TRAIP: variants seen among roughly 807,000 people sequenced by gnomAD.
TRAIP encodes TRAF interacting protein.
TRAIP carries 37 observed loss-of-function variants against 65.0 expected under a neutral mutation model. The observed-to-expected ratio is 0.57, with a 90% CI of 0.44 to 0.75. The LOEUF (loss-of-function observed/expected upper bound fraction) is 0.75. TRAIP is among the 30% of genes least tolerant of loss of function. The probability of loss-of-function intolerance (pLI) is 0.00; values close to 1 mark genes in which losing one functional copy is unlikely to be tolerated. For synonymous variants in TRAIP, 187 were observed against 219.1 expected (o/e 0.85, Z 1.29); for missense variants, 481 against 579.4 (o/e 0.83, Z 1.74).
chr3:49,832,700 C>CGGGGG (rs77955232), intron 10 of TRAIP, among the ~76,000 whole-genome samples: 122 of 6,062 alleles, frequency 0.02, 1 homozygote, highest in Non-Finnish European at 0.027. Flanking sequence ...TTTTATAACA[C>CGGGGG]GGGGGGGGGG....
intron 10 of TRAIP, among the ~76,000 whole-genome samples, chr3:49,834,451 CAA>C (rs1029761488): frequency 2.7e-4 from 41 of 152,298 alleles, no homozygotes; most frequent in African/African-American, 9.4e-4. Flanking sequence ...GAGGGCCTTG[CAA>C]AAGCATTAAA....
chr3:49,840,240 C>T (rs2081827466), intron 9 of TRAIP, 44 bp downstream of exon 9: 2 of 1,570,268 alleles, frequency 1.3e-6, no homozygotes, highest in Non-Finnish European at 8.8e-7. Context: ...TGGGAGGGCA[C>T]ACAAACCACC....
intron 1 of TRAIP, among the ~76,000 whole-genome samples, chr3:49,854,932 C>T (rs1254927558): frequency 6.6e-6 from 1 of 151,542 alleles, no homozygotes; most frequent in Non-Finnish European, 1.5e-5. Flanking sequence ...AGCATGGTGG[C>T]AGGCGCCTGT....
Position 49,841,219 on chromosome 3 carries a change from G to A in TRAIP, c.618-147C>T, listed in dbSNP as rs1317140. 0.27 allele frequency: 185,398 copies of A among 681,866 alleles called. 26,497 individuals are homozygous for A. Among genetic ancestry groups the A allele is most frequent in the Non-Finnish European group, 0.3 (115,507 of 383,090 alleles). 42.2% of individuals were successfully genotyped at this position (681,866 alleles called of 1,614,324 possible). On this transcript the variant is annotated intron_variant, in intron 7 of 14. Transcript: ENST00000331456. Reference sequence around the variant, plus strand: ...CACCTGAGCCCAACAAGTACCAGGTGGCACTGTGGAGGGTCCTGCAGAGAA... The same window carrying A: ...CACCTGAGCCCAACAAGTACCAGGTAGCACTGTGGAGGGTCCTGCAGAGAA...
Position 49,829,611 on chromosome 3 carries a change from A to G in TRAIP, c.1236+6T>C. On this transcript the variant is annotated splice_donor_region_variant and intron_variant, in intron 13 of 14. Coordinates refer to ENST00000331456, the MANE Select transcript of TRAIP (RefSeq NM_005879.3). The stretch of plus-strand genomic sequence containing the variant: ...GGCTCCTGCCACTGTGGGAAGCCAC[A>G]CTCACCACATCTTTGCTGCAAGAGG... 1 of 1,614,116 alleles carries G rather than the reference A, an allele frequency of 6.2e-7. No homozygotes were observed. The highest frequency in any genetic ancestry group is 2.2e-5 in the East Asian group (1 of 44,884).
chr3:49,838,491 T>A (rs996256529), intron 10 of TRAIP, among the ~76,000 whole-genome samples: 17 of 152,180 alleles, frequency 1.1e-4, no homozygotes, highest in African/African-American at 4.1e-4. Flanking sequence ...CACTGGAACA[T>A]AAGCTCCAAG....
rs528081081 is a variant in TRAIP at position 49,847,656 on chromosome 3, C to A, written c.157-48G>T. 3 of 1,372,646 alleles carry A rather than the reference C, an allele frequency of 2.2e-6. No homozygotes were observed. In the East Asian group the frequency reaches 6.9e-5, roughly 32 times the overall value. The allele number at this position is 1,372,646 out of a possible 1,614,324, so 85.0% of individuals were successfully genotyped here. A position where few individuals can be genotyped will look rare whatever the true frequency, so the allele number is the denominator to read the frequency against. ...AGTATGATTGTGTAGCTGGGTCATG[C>A]GCAAGGAGGAGAGTGTTGTACATGG... On this transcript the variant is annotated intron_variant, in intron 2 of 14. Coordinates refer to ENST00000331456, the MANE Select transcript of TRAIP (RefSeq NM_005879.3).
At chr3:49,835,739 A>T (rs1159200205) in intron 10 of TRAIP, among the ~76,000 whole-genome samples, 1 of 151,980 alleles carries the variant, frequency 6.6e-6, no homozygotes, top group Admixed American at 6.6e-5. Flanking sequence ...GGAGATGGAG[A>T]CCATCCTGGC....
At chr3:49,847,057 G>A (rs923286509) in intron 3 of TRAIP, among the ~76,000 whole-genome samples, 4 of 151,992 alleles carry the variant, frequency 2.6e-5, no homozygotes, top group African/African-American at 9.7e-5. Context: ...GCACGTGCCT[G>A]TAGTCCCAGC....
intron 10 of TRAIP, among the ~76,000 whole-genome samples, chr3:49,832,634 T>C (rs965614868): frequency 1.6e-5 from 2 of 126,678 alleles, no homozygotes; most frequent in Non-Finnish European, 3.2e-5. Flanking sequence ...ATGTCAACCA[T>C]AAGTACCTCT....
chr3:49,832,919 G>T (rs971813309), intron 10 of TRAIP, among the ~76,000 whole-genome samples: 1 of 152,104 alleles, frequency 6.6e-6, no homozygotes, highest in Non-Finnish European at 1.5e-5. Context: ...TTCCACTGGG[G>T]TGTACACATC....
At chr3:49,848,632 C>A (rs1384383826) in intron 1 of TRAIP, among the ~76,000 whole-genome samples, 1 of 152,056 alleles carries the variant, frequency 6.6e-6, no homozygotes, top group Non-Finnish European at 1.5e-5. Flanking sequence ...GGAATAAAAT[C>A]TAGTATTTGA....
intron 1 of TRAIP, among the ~76,000 whole-genome samples, chr3:49,853,291 A>G (rs7637266): frequency 0.011 from 1,719 of 152,308 alleles, 39 homozygotes; most frequent in African/African-American, 0.04. Context: ...TCTGACTTCA[A>G]TAGCTACAAC....
chr3:49,841,416 C>G (rs1266698807), intron 7 of TRAIP, among the ~76,000 whole-genome samples: 3 of 152,210 alleles, frequency 2.0e-5, no homozygotes, highest in Admixed American at 6.5e-5. Context: ...TTCCTGCCAA[C>G]CTTACACCCA....
Position 49,840,971 on chromosome 3 carries a change from C to A in TRAIP, c.705+14G>T. 6.2e-7 allele frequency: 1 copy of A among 1,613,396 alleles called. No homozygotes were observed. The highest frequency in any genetic ancestry group is 1.1e-5 in the South Asian group (1 of 91,064). ...AGCCACTTCTCCTTCAACCTCTGTT[C>A]ACTGCTAAGTTACCTTGCTTCTGGA... On this transcript the variant is annotated intron_variant, in intron 8 of 14. Coordinates refer to ENST00000331456, the MANE Select transcript of TRAIP (RefSeq NM_005879.3).
rs139724116 is a variant in TRAIP, at chr3:49,841,908, C to T, written c.535G>A (p.Glu179Lys). ...ATGTCTCGGATCATCTCCTCCACCT[C>T]AGGGCGCTGGCTCTGGAGTAGAAGC... ...IELLLQSQRPEVEEMIRDMGV... is the reference protein window; with the variant it reads ...IELLLQSQRPKVEEMIRDMGV... Residue 179 changes from glutamate (E) to lysine (K), a missense_variant, in exon 7 of 15, where the codon GAG becomes AAG. Transcript: ENST00000331456. 71 of 1,614,230 alleles carry T rather than the reference C, an allele frequency of 4.4e-5. No homozygotes were observed. In the African/African-American group the frequency reaches 8.8e-4, roughly 20 times the overall value.
chr3:49,840,350 C>T lies in TRAIP; in HGVS notation c.729G>A (p.Leu243=), dbSNP rs763646400. Reference sequence around the variant, plus strand: ...ACTTCAGTTCTAACTTGGCCTGATCCAATTCAGAGTAGACTGTCTGCAACT... The same window carrying T: ...ACTTCAGTTCTAACTTGGCCTGATCTAATTCAGAGTAGACTGTCTGCAACT... ...RSKLQTVYSE[L]DQAKLELKSA... is the part of the protein sequence containing the mutation. Residue 243 remains leucine (L), a synonymous_variant, in exon 9 of 15, where the codon TTG becomes TTA. Coordinates refer to ENST00000331456, the MANE Select transcript of TRAIP (RefSeq NM_005879.3). The T allele has an allele frequency of 4.3e-6, 7 of 1,614,014 alleles. No homozygotes were observed. Among genetic ancestry groups the T allele is most frequent in the Non-Finnish European group, 5.1e-6 (6 of 1,179,972 alleles).
At chr3:49,848,248 G>A (rs187033866) in intron 1 of TRAIP, 48 bp from the exon 2 acceptor site, 362 of 1,602,186 alleles carry the variant, frequency 2.3e-4, no homozygotes, top group Non-Finnish European at 2.9e-4. Flanking sequence ...GGTTTGTCTG[G>A]GGACATAAGC....
chr3:49,832,100 C>T (rs1167285709), intron 10 of TRAIP, 32 bp from the exon 11 acceptor site: 2 of 1,546,864 alleles, frequency 1.3e-6, no homozygotes, highest in Admixed American at 3.8e-5. Context: ...TTACTTGGGG[C>T]CACAGTGGTA....
Sources: gnomAD v4.1 joint callset for allele counts (sites outside exome capture counted in the v4.1 genomes callset) on GRCh38, gnomAD v4.1.1 for gene constraint, MANE v1.5 for transcripts, NCBI Gene and HGNC (gene_info 2026-07-23, HGNC 2026-07-21) for gene names.